The following GRIA3 variants were observed in gnomAD, a reference collection of about 807,000 sequenced individuals.
GRIA3 encodes the protein glutamate ionotropic receptor AMPA type subunit 3, also known as glutamate receptor 3.
In GRIA3, 3 loss-of-function variants were observed where a neutral mutation model predicts 63.0. That is an observed-to-expected ratio of 0.05 (90% CI 0.02 to 0.12). The LOEUF (loss-of-function observed/expected upper bound fraction) is 0.12. Among genes scored for constraint, GRIA3 ranks in the 10% least tolerant of loss-of-function variants. The pLI, the probability that GRIA3 is intolerant of heterozygous loss-of-function variation, is 1.00. For synonymous variants in GRIA3, 274 were observed against 257.9 expected (o/e 1.06, Z -0.60); for missense variants, 347 against 700.9 (o/e 0.50, Z 5.70).
intron 9 of GRIA3, among the ~76,000 whole-genome samples, chrX:123,403,931 G>T (rs1426504576): frequency 3.6e-5 from 4 of 110,846 alleles, no homozygotes; most frequent in Non-Finnish European, 5.7e-5. Context: ...TGAGCCTCAG[G>T]TTGTTGTTTC....
At chrX:123,372,068 A>G (rs1425509692) in intron 5 of GRIA3, among the ~76,000 whole-genome samples, 1 of 111,981 alleles carries the variant, frequency 8.9e-6, no homozygotes, top group Non-Finnish European at 1.9e-5. Context: ...GTGAGAGATA[A>G]AGATCACGTT....
At chrX:123,431,191 T>C (rs2045616618) in intron 12 of GRIA3, among the ~76,000 whole-genome samples, 2 of 112,280 alleles carry the variant, frequency 1.8e-5, no homozygotes, top group South Asian at 7.4e-4. Flanking sequence ...CAAATTGTAA[T>C]AACATAAGAC....
chrX:123,428,931 C>T (rs1353692664), intron 12 of GRIA3, among the ~76,000 whole-genome samples: 1 of 111,820 alleles, frequency 8.9e-6, no homozygotes, highest in Non-Finnish European at 1.9e-5. Context: ...AGGAAGAATA[C>T]TAGTAGAGTT....
chrX:123,313,713 C>T (rs16997305), intron 3 of GRIA3, among the ~76,000 whole-genome samples: 21,506 of 111,275 alleles, frequency 0.19, 1,620 homozygotes, highest in Non-Finnish European at 0.22. Flanking sequence ...TTAGTGGAAC[C>T]TAAACACATA....
chrX:123,290,586 CTGTGTGTGTGTGTGTGTGTGTG>C (rs761564682), intron 3 of GRIA3, among the ~76,000 whole-genome samples: 2 of 90,170 alleles, frequency 2.2e-5, no homozygotes, highest in East Asian at 3.5e-4. Flanking sequence ...CCTCAAAGGA[CTGTGTGTGTGTGTGTGTGTGTG>C]TGTGTGTGTG....
intron 11 of GRIA3, among the ~76,000 whole-genome samples, chrX:123,419,011 G>A (rs890926390): frequency 1.8e-5 from 2 of 112,136 alleles, no homozygotes; most frequent in Non-Finnish European, 3.8e-5. Context: ...CTATCAACTC[G>A]TGAATAAATA....
chrX:123,262,951 T>C (rs1270154829), intron 3 of GRIA3, among the ~76,000 whole-genome samples: 1 of 110,763 alleles, frequency 9.0e-6, no homozygotes, highest in African/African-American at 3.3e-5. Flanking sequence ...AGGCAAGAAA[T>C]ACAATTAAAA....
chrX:123,369,213 G>A (rs747398659), intron 5 of GRIA3, among the ~76,000 whole-genome samples: 5 of 111,870 alleles, frequency 4.5e-5, no homozygotes, highest in East Asian at 2.8e-4. Context: ...CAAGGACTGC[G>A]AATTGGAAGC....
chrX:123,303,577 C>T (rs985528959), intron 3 of GRIA3, among the ~76,000 whole-genome samples: 1 of 110,362 alleles, frequency 9.1e-6, no homozygotes, highest in African/African-American at 3.3e-5. Context: ...TGTTTTGCAT[C>T]GTTACTTATT....
intron 5 of GRIA3, among the ~76,000 whole-genome samples, chrX:123,389,981 C>T (rs2045376440): frequency 1.8e-5 from 2 of 112,143 alleles, no homozygotes; most frequent in Admixed American, 1.9e-4. Flanking sequence ...GCTGGGATTA[C>T]AGGCATGAGC....
intron 4 of GRIA3, among the ~76,000 whole-genome samples, chrX:123,353,544 TC>T (rs2045112759): frequency 8.9e-6 from 1 of 111,762 alleles, no homozygotes; most frequent in Admixed American, 9.5e-5. Flanking sequence ...ATTATTACAA[TC>T]TTTCATGTAT....
At chrX:123,398,567 AT>A (rs2045426707) in intron 6 of GRIA3, 68 bp from the exon 7 acceptor site, 2 of 894,911 alleles carry the variant, frequency 2.2e-6, no homozygotes, top group Admixed American at 4.6e-5. Context: ...AATGAAAATT[AT>A]AAGAAACAAG....
At chrX:123,204,532 G>A in intron 2 of GRIA3, 1 of 1,164,110 alleles carries the variant, frequency 8.6e-7, no homozygotes, top group South Asian at 1.9e-5. Context: ...GTGTGAAGCT[G>A]TAAAGTTGCA....
At chrX:123,306,918 A>G (rs2044758429) in intron 3 of GRIA3, among the ~76,000 whole-genome samples, 1 of 112,024 alleles carries the variant, frequency 8.9e-6, no homozygotes, top group African/African-American at 3.2e-5. Context: ...GAATTGGGGA[A>G]GATGCTTTGT....
intron 1 of GRIA3, chrX:123,185,107 G>A: frequency 3.4e-6 from 1 of 297,376 alleles, no homozygotes; most frequent in Non-Finnish European, 6.6e-6. Flanking sequence ...CCGGCTGTCG[G>A]GAGACAGGCT....
intron 2 of GRIA3, among the ~76,000 whole-genome samples, chrX:123,200,512 A>G (rs191770510): frequency 1.9e-5 from 2 of 107,950 alleles, no homozygotes; most frequent in African/African-American, 6.8e-5. Context: ...ATATAAAACC[A>G]TTACCTTATG....
intron 5 of GRIA3, among the ~76,000 whole-genome samples, chrX:123,372,804 T>C (rs906934011): frequency 9.0e-6 from 1 of 111,673 alleles, no homozygotes; most frequent in Non-Finnish European, 1.9e-5. Context: ...TATAAGATCA[T>C]ATCATCTACA....
intron 7 of GRIA3, among the ~76,000 whole-genome samples, chrX:123,399,129 A>C (rs1265631681): frequency 8.9e-6 from 1 of 112,012 alleles, no homozygotes. Flanking sequence ...GCTTCAAAAA[A>C]TTCAAAGCTT....
chrX:123,237,097 T>C (rs998699159), intron 2 of GRIA3, among the ~76,000 whole-genome samples: 12 of 111,650 alleles, frequency 1.1e-4, no homozygotes, highest in Non-Finnish European at 1.9e-4. Context: ...AGCCAGGTTT[T>C]GAAAGGCAGG....
Sources: gnomAD v4.1 joint callset for allele counts (sites outside exome capture counted in the v4.1 genomes callset) on GRCh38, gnomAD v4.1.1 for gene constraint, MANE v1.5 for transcripts, NCBI Gene and HGNC (gene_info 2026-07-23, HGNC 2026-07-21) for gene names.